The following CMC1 variants were observed in gnomAD, a reference collection of about 807,000 sequenced individuals.
CMC1 encodes COX assembly mitochondrial protein homolog.
In CMC1, 14 loss-of-function variants were observed where a neutral mutation model predicts 14.1. That is an observed-to-expected ratio of 0.99 (90% CI 0.66 to 1.55). The LOEUF (loss-of-function observed/expected upper bound fraction) is 1.55, where lower values mean the gene tolerates loss of function less well. Ranked by LOEUF, CMC1 falls within the 40% of genes most tolerant of loss-of-function variation. The pLI, the probability that CMC1 is intolerant of heterozygous loss-of-function variation, is 0.00. For synonymous variants in CMC1, 50 were observed against 38.4 expected (o/e 1.30, Z -1.12); for missense variants, 127 against 123.8 (o/e 1.03, Z -0.12).
At chr3:28,281,098 G>C (rs1559420255) in intron 2 of CMC1, among the ~76,000 whole-genome samples, 1 of 152,114 alleles carries the variant, frequency 6.6e-6, no homozygotes, top group Non-Finnish European at 1.5e-5. Context: ...TTAAATTCTA[G>C]AAACACAGGA....
chr3:28,294,207 T>G (rs1043457898), intron 2 of CMC1, among the ~76,000 whole-genome samples: 10 of 152,142 alleles, frequency 6.6e-5, no homozygotes, highest in Non-Finnish European at 8.8e-5. Flanking sequence ...GTAAGTGAGC[T>G]CTGTCAAAAA....
chr3:28,287,944 C>G (rs892723365), intron 2 of CMC1, among the ~76,000 whole-genome samples: 1 of 151,724 alleles, frequency 6.6e-6, no homozygotes. Context: ...GTCACATTGC[C>G]TATTTAATTT....
intron 2 of CMC1, among the ~76,000 whole-genome samples, chr3:28,301,772 A>G (rs868004869): frequency 1.3e-5 from 2 of 152,148 alleles, no homozygotes; most frequent in Admixed American, 6.6e-5. Context: ...GGAGGCAGCA[A>G]TGTTTAAACT....
chr3:28,255,348 C>G (rs1018993038), intron 1 of CMC1, among the ~76,000 whole-genome samples: 2 of 150,552 alleles, frequency 1.3e-5, no homozygotes, highest in Non-Finnish European at 2.9e-5. Context: ...TCAAGCAATT[C>G]TCTTGCCTTA....
intron 1 of CMC1, among the ~76,000 whole-genome samples, chr3:28,258,295 T>A (rs950290563): frequency 7.9e-5 from 12 of 151,558 alleles, no homozygotes; most frequent in South Asian, 6.2e-4. Flanking sequence ...AACAAATGAT[T>A]TCATATTAGT....
At chr3:28,270,268 T>A (rs1261769988) in intron 2 of CMC1, among the ~76,000 whole-genome samples, 1 of 152,240 alleles carries the variant, frequency 6.6e-6, no homozygotes, top group Non-Finnish European at 1.5e-5. Flanking sequence ...CCTTTAGGTA[T>A]ATACCCAGTA....
chr3:28,276,670 C>T (rs973426551), intron 2 of CMC1, among the ~76,000 whole-genome samples: 2 of 152,148 alleles, frequency 1.3e-5, no homozygotes, highest in Non-Finnish European at 2.9e-5. Context: ...TTGCAGTTGG[C>T]ATTTTTTCCT....
Position 28,256,755 on chromosome 3 carries a change from A to G in CMC1, c.20-6536A>G, listed in dbSNP as rs146792911. On this transcript the variant is annotated intron_variant, in intron 1 of 3. Coordinates refer to ENST00000466830, the MANE Select transcript of CMC1 (RefSeq NM_182523.2). Reference sequence around the variant, plus strand: ...TGACAACTTGAAAAGATTTTAAACAAAATTTGAGCATCCAAGACAGAGGTC... The same window carrying G: ...TGACAACTTGAAAAGATTTTAAACAGAATTTGAGCATCCAAGACAGAGGTC... Among the ~76,000 whole-genome samples the G allele has an allele frequency of 2.4e-3, 372 of 152,348 alleles. 3 individuals carry two copies. Among genetic ancestry groups the G allele is most frequent in the Middle Eastern group, 6.8e-3 (2 of 294 alleles).
chr3:28,249,035 C>G (rs1698992657), intron 1 of CMC1, among the ~76,000 whole-genome samples: 1 of 152,210 alleles, frequency 6.6e-6, no homozygotes, highest in South Asian at 2.1e-4. Flanking sequence ...TGTGATCTGC[C>G]TGCCTCAGCC....
At chr3:28,306,871 C>T (rs989094631) in intron 2 of CMC1, among the ~76,000 whole-genome samples, 1 of 152,112 alleles carries the variant, frequency 6.6e-6, no homozygotes, top group Non-Finnish European at 1.5e-5. Context: ...GGTCTCCAAT[C>T]CTGACCTCAG....
chr3:28,241,983 T>A, intron 1 of CMC1, 171 bp downstream of exon 1: 1 of 540,516 alleles, frequency 1.9e-6, no homozygotes, highest in Non-Finnish European at 2.8e-6. Flanking sequence ...GGTCATCTTC[T>A]CACTTGTTGG....
chr3:28,309,348 A>T (rs1356460954), intron 2 of CMC1, among the ~76,000 whole-genome samples: 1 of 152,020 alleles, frequency 6.6e-6, no homozygotes, highest in Non-Finnish European at 1.5e-5. Flanking sequence ...GAACAAATTC[A>T]TATGCTATTC....
At chr3:28,283,706 A>C (rs925727567) in intron 2 of CMC1, among the ~76,000 whole-genome samples, 1 of 152,138 alleles carries the variant, frequency 6.6e-6, no homozygotes, top group Admixed American at 6.5e-5. Flanking sequence ...GACAGATGAT[A>C]TGCCTTTATG....
Position 28,320,427 on chromosome 3 carries a change from T to C in CMC1, c.*798T>C, listed in dbSNP as rs1410480864. On this transcript the variant is annotated 3_prime_UTR_variant, in exon 4 of 4. Transcript: ENST00000466830. ...TGGGCAAACTTTTATAACAGCCCGC[T>C]CTCTTGAGAACTAATACCTGTAATA... 1 of 151,480 alleles carries C rather than the reference T, an allele frequency of 6.6e-6. No individual in the cohort carries two copies. The highest frequency in any genetic ancestry group is 6.6e-5 in the Admixed American group (1 of 15,130). 9.4% of individuals were successfully genotyped at this position (151,480 alleles called of 1,614,324 possible). A position where few individuals can be genotyped will look rare whatever the true frequency, so the allele number is the denominator to read the frequency against.
At chr3:28,311,994 C>T (rs1365516206) in intron 2 of CMC1, among the ~76,000 whole-genome samples, 1 of 152,064 alleles carries the variant, frequency 6.6e-6, no homozygotes, top group African/African-American at 2.4e-5. Flanking sequence ...ATTCAGATTC[C>T]TATTTGTAGA....
chr3:28,311,165 C>CT lies in CMC1; in HGVS notation c.110-5157dup, dbSNP rs879658154. Among the ~76,000 whole-genome samples, 172 of 145,948 alleles carry CT rather than the reference C, an allele frequency of 1.2e-3. 1 individual carries two copies. Among genetic ancestry groups the CT allele is most frequent in the East Asian group, 5.4e-3 (27 of 5,038 alleles). On this transcript the variant is annotated intron_variant, in intron 2 of 3. Transcript: ENST00000466830. ...TCTTTAGAAAATTGTCTGTGGTACT[C>CT]TTTTTTTTTTTCTGTAGGGATGGGT...
At chr3:28,308,278 A>G (rs1559442645) in intron 2 of CMC1, among the ~76,000 whole-genome samples, 1 of 152,206 alleles carries the variant, frequency 6.6e-6, no homozygotes, top group African/African-American at 2.4e-5. Flanking sequence ...GCTTTAAAAA[A>G]AAAAGAAAAG....
intron 1 of CMC1, among the ~76,000 whole-genome samples, chr3:28,255,797 G>T (rs1019386894): frequency 6.6e-6 from 1 of 151,104 alleles, no homozygotes; most frequent in Non-Finnish European, 1.5e-5. Context: ...TTATACTCTG[G>T]TTCTTAGCAG....
chr3:28,297,553 A>G (rs1481161361), intron 2 of CMC1, among the ~76,000 whole-genome samples: 1 of 152,118 alleles, frequency 6.6e-6, no homozygotes, highest in African/African-American at 2.4e-5. Flanking sequence ...CCACAAGTGT[A>G]TAATTATTTT....
Sources: allele counts gnomAD v4.1 joint callset (sites outside exome capture counted in the v4.1 genomes callset), GRCh38; gene constraint gnomAD v4.1.1; transcripts MANE v1.5; gene names NCBI Gene and HGNC (gene_info 2026-07-23, HGNC 2026-07-21).